The following PLG variants were observed in gnomAD, a reference collection of about 807,000 sequenced individuals.
The protein encoded by PLG is plasmin.
A neutral mutation model predicts 104.4 loss-of-function variants in PLG; 41 were observed. That is an observed-to-expected ratio of 0.39 (90% CI 0.31 to 0.51). The LOEUF (loss-of-function observed/expected upper bound fraction) is 0.51, where lower values mean the gene tolerates loss of function less well. PLG is among the 20% of genes least tolerant of loss of function. The pLI is 0.76. For synonymous variants in PLG, 337 were observed against 357.1 expected (o/e 0.94, Z 0.63); for missense variants, 891 against 1,003.6 (o/e 0.89, Z 1.52).
In PLG at chr6:160,741,433, T is replaced by G. The variant is rs1023952165; in HGVS notation, c.2125+16T>G. On this transcript the variant is annotated intron_variant, in intron 17 of 18. Transcript: ENST00000308192. The surrounding 1 kb of genome is among the most constrained non-coding windows in gnomAD (Gnocchi z 4.7). ...GAAACCCAAGGTGAGATAAATTCCA[T>G]TGCCCACATAACGAATTGGTTTTGA... The G allele has an allele frequency of 6.8e-7, 1 of 1,474,638 alleles. No homozygotes were observed. Among genetic ancestry groups the G allele is most frequent in the Admixed American group, 1.7e-5 (1 of 59,824 alleles). The allele number at this position is 1,474,638 out of a possible 1,614,324, so 91.3% of individuals were successfully genotyped here.
Position 160,734,139 on chromosome 6 carries a change from CAA to C in PLG, c.1681+52_1681+53del. Reference sequence around the variant, plus strand: ...AAACTGCTTACTTAATATGGATTTGCAACAAAAAAGGAAAAGGGCTTCTGAGC... The same window carrying C: ...AAACTGCTTACTTAATATGGATTTGCCAAAAAAGGAAAAGGGCTTCTGAGC... On this transcript the variant is annotated intron_variant, in intron 13 of 18. Coordinates refer to ENST00000308192, the MANE Select transcript of PLG (RefSeq NM_000301.5). This position sits in a 1 kb window ranked among gnomAD's most constrained non-coding sequence, Gnocchi z 4.4. 9.1e-7 allele frequency: 1 copy of C among 1,099,846 alleles called. No homozygotes were observed. Among genetic ancestry groups the C allele is most frequent in the Non-Finnish European group, 1.4e-6 (1 of 714,980 alleles). 68.1% of individuals were successfully genotyped at this position (1,099,846 alleles called of 1,614,324 possible).
intron 17 of PLG, among the ~76,000 whole-genome samples, chr6:160,748,500 T>C (rs1166667991): frequency 6.6e-6 from 1 of 151,086 alleles, no homozygotes; most frequent in Non-Finnish European, 1.5e-5. Context: ...TTGTGAACTC[T>C]TGTTGATTGT....
At chr6:160,718,664 A>T in intron 8 of PLG, 29 bp from the exon 9 acceptor site, 1 of 1,612,938 alleles carries the variant, frequency 6.2e-7, no homozygotes, top group African/African-American at 1.3e-5. Flanking sequence ...CTTTTTGGAA[A>T]GCTAAACTCA....
At position 160,753,560 on chromosome 6, in the gene PLG, G is replaced by A. The variant is rs1385401969; in HGVS notation, c.*499G>A. 6.6e-6 allele frequency among the ~76,000 whole-genome samples: 1 copy of A among 152,156 alleles called. No homozygotes were observed. The highest frequency in any genetic ancestry group is 1.9e-4 in the East Asian group (1 of 5,182). On this transcript the variant is annotated 3_prime_UTR_variant, in exon 19 of 19. Transcript: ENST00000308192. The surrounding 1 kb of genome is among the most constrained non-coding windows in gnomAD (Gnocchi z 5.4). Reference sequence around the variant, plus strand: ...AGCTGCAACATGTATGGGGAGTCATGCAAACCGATTCTGTTATTGGGAATG... The same window carrying A: ...AGCTGCAACATGTATGGGGAGTCATACAAACCGATTCTGTTATTGGGAATG...
Position 160,734,134 on chromosome 6 carries a change from A to T in PLG, c.1681+46A>T. 1 of 1,121,618 alleles carries T rather than the reference A, an allele frequency of 8.9e-7. No individual in the cohort carries two copies. Among genetic ancestry groups the T allele is most frequent in the Non-Finnish European group, 1.4e-6 (1 of 733,416 alleles). The allele number at this position is 1,121,618 out of a possible 1,614,324, so 69.5% of individuals were successfully genotyped here. A position where few individuals can be genotyped will look rare whatever the true frequency, so the allele number is the denominator to read the frequency against. On this transcript the variant is annotated intron_variant, in intron 13 of 18. Transcript: ENST00000308192. The surrounding 1 kb of genome is among the most constrained non-coding windows in gnomAD (Gnocchi z 4.4). ...TAAGGAAACTGCTTACTTAATATGG[A>T]TTTGCAACAAAAAAGGAAAAGGGCT...
At chr6:160,703,717 G>T (rs1296043370) in intron 1 of PLG, among the ~76,000 whole-genome samples, 1 of 152,180 alleles carries the variant, frequency 6.6e-6, no homozygotes, top group Non-Finnish European at 1.5e-5. Flanking sequence ...GTGTATGTTG[G>T]GGGGTATGAA....
rs952520043 is a variant in PLG, at chr6:160,737,787, A to G, written c.1803-751A>G. Among the ~76,000 whole-genome samples the G allele has an allele frequency of 1.3e-5, 2 of 152,130 alleles. No individual in the cohort carries two copies. Among genetic ancestry groups the G allele is most frequent in the African/African-American group, 4.8e-5 (2 of 41,404 alleles). On this transcript the variant is annotated intron_variant, in intron 14 of 18. Transcript: ENST00000308192. The surrounding 1 kb of genome is among the most constrained non-coding windows in gnomAD (Gnocchi z 4.7). ...CCATCGACAAACCTGATCGCATTGC[A>G]TTTCACTCTGCTGTTGAGTCGATTT...
At position 160,751,843 on chromosome 6, in the gene PLG, T is replaced by C. The variant is rs1292927463; in HGVS notation, c.2126-272T>C. Among the ~76,000 whole-genome samples the C allele has an allele frequency of 2.0e-5, 3 of 152,226 alleles. No homozygotes were observed. In the East Asian group the frequency reaches 5.8e-4, roughly 29 times the overall value. The stretch of plus-strand genomic sequence containing the variant: ...TTCAGACTCTACATTTTAAACATTA[T>C]TCTTTATAGTTTTAAAAGCAAAAAG... On this transcript the variant is annotated intron_variant, in intron 17 of 18. Coordinates refer to ENST00000308192, the MANE Select transcript of PLG (RefSeq NM_000301.5).
rs1582947188 is a variant in PLG at position 160,737,084 on chromosome 6, T to C, written c.1802+77T>C. 2 of 1,594,652 alleles carry C rather than the reference T, an allele frequency of 1.3e-6. No homozygotes were observed. Among genetic ancestry groups the C allele is most frequent in the Non-Finnish European group, 8.6e-7 (1 of 1,168,608 alleles). The stretch of plus-strand genomic sequence containing the variant: ...AAAACCCTTCTACATTTACATAAAA[T>C]CCACACAGCTGAGGCATCAGCACCT... On this transcript the variant is annotated intron_variant, in intron 14 of 18. Transcript: ENST00000308192. This position sits in a 1 kb window ranked among gnomAD's most constrained non-coding sequence, Gnocchi z 4.7.
chr6:160,725,255 T>G lies in PLG; in HGVS notation c.1256+2688T>G, dbSNP rs922565807. ...AAACAAAAAGATAATAATTTACTAC[T>G]TGAAGCAAAATGATAGCAATGTATT... On this transcript the variant is annotated intron_variant, in intron 10 of 18. Coordinates refer to ENST00000308192, the MANE Select transcript of PLG (RefSeq NM_000301.5). The surrounding 1 kb of genome is among the most constrained non-coding windows in gnomAD (Gnocchi z 6.3). Among the ~76,000 whole-genome samples, 1 of 151,992 alleles carries G rather than the reference T, an allele frequency of 6.6e-6. No individual in the cohort carries two copies. Among genetic ancestry groups the G allele is most frequent in the Admixed American group, 6.6e-5 (1 of 15,248 alleles).
chr6:160,703,092 T>A (rs1463468732), intron 1 of PLG, among the ~76,000 whole-genome samples: 1 of 108,600 alleles, frequency 9.2e-6, no homozygotes, highest in African/African-American at 3.2e-5. Flanking sequence ...AACAAAGAAA[T>A]CAGACTTAGG....
chr6:160,705,277 T>G (rs1777499873), intron 1 of PLG: 1 of 152,204 alleles, frequency 6.6e-6, no homozygotes, highest in Admixed American at 6.5e-5. Context: ...TGGAAGAGCC[T>G]CAGGACAAGG....
Position 160,718,730 on chromosome 6 carries a change from A to G in PLG, c.988A>G (p.Lys330Glu), listed in dbSNP as rs889957249. ...DENYCRNPDG[K>E]RAPWCHTTNS... ...AAACTACTGCCGCAATCCTGACGGA[A>G]AAAGGGCCCCATGGTGCCATACAAC... Residue 330 changes from lysine (K) to glutamate (E), a missense_variant, in exon 9 of 19, where the codon AAA (lysine) becomes GAA (glutamate). Transcript: ENST00000308192. 6 of 1,613,862 alleles carry G rather than the reference A, an allele frequency of 3.7e-6. No individual in the cohort carries two copies. Among genetic ancestry groups the G allele is most frequent in the Non-Finnish European group, 4.2e-6 (5 of 1,179,884 alleles).
At chr6:160,717,908 C>G (rs541808534) in intron 7 of PLG, among the ~76,000 whole-genome samples, 35 of 152,304 alleles carry the variant, frequency 2.3e-4, no homozygotes, top group Admixed American at 1.7e-3. Flanking sequence ...GCCAGAACAC[C>G]CTGCAGCCAT....
chr6:160,748,350 G>A (rs868234658), intron 17 of PLG, among the ~76,000 whole-genome samples: 1 of 49,404 alleles, frequency 2.0e-5, no homozygotes, highest in Non-Finnish European at 4.1e-5. Context: ...AGAAAAGAAA[G>A]AGAAAGAAAG....
At chr6:160,716,959 T>C (rs1461156514) in intron 7 of PLG, among the ~76,000 whole-genome samples, 196 bp downstream of exon 7, 3 of 152,222 alleles carry the variant, frequency 2.0e-5, no homozygotes, top group Non-Finnish European at 4.4e-5. Context: ...GATCAGAGCG[T>C]CCATTTATCA....
At chr6:160,721,167 C>T (rs889286258) in intron 9 of PLG, among the ~76,000 whole-genome samples, 7 of 152,186 alleles carry the variant, frequency 4.6e-5, no homozygotes, top group African/African-American at 1.2e-4. Context: ...AGGTATCACA[C>T]AATCCCAATC....
chr6:160,715,537 G>A (rs12200859), intron 6 of PLG, among the ~76,000 whole-genome samples: 1 of 152,210 alleles, frequency 6.6e-6, no homozygotes, highest in Non-Finnish European at 1.5e-5. Flanking sequence ...ATGGTTCCTA[G>A]AATAAGGTTT....
At chr6:160,750,613 C>T (rs1046816324) in intron 17 of PLG, among the ~76,000 whole-genome samples, 4 of 152,214 alleles carry the variant, frequency 2.6e-5, no homozygotes, top group African/African-American at 9.6e-5. Context: ...CCAGATAGGG[C>T]TGAGCTGGGC....
Sources: allele counts gnomAD v4.1 joint callset (sites outside exome capture counted in the v4.1 genomes callset), GRCh38; gene constraint gnomAD v4.1.1; non-coding constraint Gnocchi (gnomAD v3.1); transcripts MANE v1.5; gene names NCBI Gene and HGNC (gene_info 2026-07-23, HGNC 2026-07-21).